NEGR1: variants seen among roughly 807,000 people sequenced by gnomAD.
The protein encoded by NEGR1 is neuronal growth regulator 1.
In NEGR1, 10 loss-of-function variants were observed where a neutral mutation model predicts 40.9. That is an observed-to-expected ratio of 0.24 (90% CI 0.15 to 0.42). NEGR1 has a LOEUF of 0.42. Among genes scored for constraint, NEGR1 ranks in the 10% least tolerant of loss-of-function variants. The pLI, the probability that NEGR1 is intolerant of heterozygous loss-of-function variation, is 1.00. For missense variants in NEGR1, 352 were observed against 438.9 expected (o/e 0.80, Z 1.77); for synonymous variants, 185 against 166.8 (o/e 1.11, Z -0.84).
chr1:71,775,907 C>T (rs1241188769), intron 3 of NEGR1, among the ~76,000 whole-genome samples: 5 of 151,440 alleles, frequency 3.3e-5, no homozygotes, highest in African/African-American at 9.7e-5. Flanking sequence ...GCAGGAGAAT[C>T]GCTTGAACCT....
intron 6 of NEGR1, among the ~76,000 whole-genome samples, chr1:71,414,566 C>A (rs1354662644): frequency 6.6e-6 from 1 of 152,138 alleles, no homozygotes; most frequent in Non-Finnish European, 1.5e-5. Flanking sequence ...ATCAAATGGT[C>A]CAGATCCTAA....
At chr1:71,753,927 G>C (rs576055388) in intron 3 of NEGR1, among the ~76,000 whole-genome samples, 1 of 151,292 alleles carries the variant, frequency 6.6e-6, no homozygotes, top group East Asian at 1.9e-4. Flanking sequence ...GAAAATGATG[G>C]TGATTTCTTT....
chr1:72,074,877 A>C (rs1647653416), intron 1 of NEGR1, among the ~76,000 whole-genome samples: 1 of 152,118 alleles, frequency 6.6e-6, no homozygotes, highest in Admixed American at 6.6e-5. Flanking sequence ...TTATGATTTC[A>C]AACAAGTCTT....
chr1:71,849,038 G>A (rs1338881632), intron 2 of NEGR1, among the ~76,000 whole-genome samples: 4 of 151,638 alleles, frequency 2.6e-5, no homozygotes, highest in African/African-American at 4.8e-5. Context: ...TCAGTGAGCC[G>A]AGATTGTGCC....
intron 3 of NEGR1, among the ~76,000 whole-genome samples, chr1:71,758,569 T>A (rs985316353): frequency 2.0e-5 from 3 of 152,136 alleles, no homozygotes; most frequent in Non-Finnish European, 4.4e-5. Context: ...TATTCCTAAT[T>A]ATGGTCAAGT....
At chr1:71,961,079 T>G (rs2100295860) in intron 1 of NEGR1, among the ~76,000 whole-genome samples, 1 of 152,298 alleles carries the variant, frequency 6.6e-6, no homozygotes, top group East Asian at 1.9e-4. Context: ...TTTACCATAT[T>G]CTTTTATTGC....
intron 2 of NEGR1, among the ~76,000 whole-genome samples, chr1:71,913,373 C>T (rs1661477553): frequency 6.6e-6 from 1 of 152,146 alleles, no homozygotes; most frequent in Non-Finnish European, 1.5e-5. Context: ...CCTCAGCCTC[C>T]CAAAGTGCTG....
chr1:72,075,275 A>T (rs1181343097), intron 1 of NEGR1, among the ~76,000 whole-genome samples: 3 of 152,168 alleles, frequency 2.0e-5, no homozygotes, highest in Non-Finnish European at 4.4e-5. Context: ...TTCTTGAAAG[A>T]AGGTGGCTTT....
intron 2 of NEGR1, among the ~76,000 whole-genome samples, chr1:71,880,609 T>C (rs1405829302): frequency 1.3e-5 from 2 of 152,014 alleles, no homozygotes; most frequent in African/African-American, 2.4e-5. Context: ...ATAGAAAACC[T>C]TGCAGTTTCA....
At chr1:71,677,868 T>G (rs1193689244) in intron 4 of NEGR1, among the ~76,000 whole-genome samples, 4 of 152,186 alleles carry the variant, frequency 2.6e-5, no homozygotes. Flanking sequence ...ATCAAGATTA[T>G]TAAGCATAAA....
At chr1:72,241,084 G>T (rs1369391088) in intron 1 of NEGR1, among the ~76,000 whole-genome samples, 1 of 151,794 alleles carries the variant, frequency 6.6e-6, no homozygotes, top group South Asian at 2.1e-4. Flanking sequence ...GGTTTAACTT[G>T]ATGGAGCTTA....
chr1:71,786,994 C>T (rs544874433), intron 2 of NEGR1, among the ~76,000 whole-genome samples: 7 of 152,144 alleles, frequency 4.6e-5, no homozygotes, highest in African/African-American at 1.2e-4. Flanking sequence ...GCACCACATG[C>T]GGTCGCCACA....
intron 1 of NEGR1, among the ~76,000 whole-genome samples, chr1:72,070,683 C>A (rs921620227): frequency 6.6e-6 from 1 of 151,760 alleles, no homozygotes; most frequent in Non-Finnish European, 1.5e-5. Flanking sequence ...ATTGGCAATC[C>A]CTGACTCCAC....
intron 2 of NEGR1, among the ~76,000 whole-genome samples, chr1:71,877,150 A>G (rs1055271282): frequency 1.1e-4 from 17 of 148,228 alleles, no homozygotes; most frequent in African/African-American, 3.9e-4. Flanking sequence ...AAACAAAACA[A>G]AACAAAAAAA....
intron 1 of NEGR1, among the ~76,000 whole-genome samples, chr1:72,104,579 T>C (rs554889911): frequency 1.3e-5 from 2 of 152,254 alleles, no homozygotes; most frequent in East Asian, 3.9e-4. Context: ...AACTTTAAGA[T>C]AATAACTAGT....
intron 6 of NEGR1, among the ~76,000 whole-genome samples, chr1:71,472,307 A>G (rs1287078488): frequency 6.6e-6 from 1 of 152,038 alleles, no homozygotes; most frequent in Non-Finnish European, 1.5e-5. Flanking sequence ...CCTAATTTGG[A>G]GATATTTACA....
chr1:71,635,189 T>C (rs1651106128), intron 4 of NEGR1, among the ~76,000 whole-genome samples: 1 of 152,066 alleles, frequency 6.6e-6, no homozygotes, highest in South Asian at 2.1e-4. Flanking sequence ...GTTTCCATTG[T>C]TCTAATCAGG....
chr1:72,184,068 GT>G (rs1652515647), intron 1 of NEGR1, among the ~76,000 whole-genome samples: 1 of 152,052 alleles, frequency 6.6e-6, no homozygotes, highest in Non-Finnish European at 1.5e-5. Context: ...GCACATCATA[GT>G]TTTTCTTAGT....
intron 6 of NEGR1, among the ~76,000 whole-genome samples, chr1:71,458,055 A>G (rs967697128): frequency 6.6e-6 from 1 of 152,202 alleles, no homozygotes; most frequent in African/African-American, 2.4e-5. Flanking sequence ...GTCTCTAAAA[A>G]AATCACACAG....
Sources: gnomAD v4.1 joint callset for allele counts (sites outside exome capture counted in the v4.1 genomes callset) on GRCh38, gnomAD v4.1.1 for gene constraint, MANE v1.5 for transcripts, NCBI Gene and HGNC (gene_info 2026-07-23, HGNC 2026-07-21) for gene names.